The following FLI1 variants were observed in gnomAD, a reference collection of about 807,000 sequenced individuals.
FLI1 encodes the protein Fli-1 proto-oncogene, ETS transcription factor.
Under a neutral mutation model 53.1 loss-of-function variants are expected in FLI1, and 13 were observed. That is an observed-to-expected ratio of 0.24 (90% CI 0.16 to 0.39). FLI1 has a LOEUF of 0.39. Ranked by LOEUF, FLI1 falls within the 10% of genes least tolerant of loss-of-function variation. The pLI is 1.00. For missense variants in FLI1, 424 were observed against 600.5 expected, an observed-to-expected ratio of 0.71 and a Z score of 3.07; for synonymous variants, 244 against 236.7, an observed-to-expected ratio of 1.03 and a Z score of -0.28.
At chr11:128,736,820 C>T (rs1053161620) in intron 1 of FLI1, among the ~76,000 whole-genome samples, 1 of 152,096 alleles carries the variant, frequency 6.6e-6, no homozygotes, top group African/African-American at 2.4e-5. Context: ...TTTCAAAATG[C>T]ACTTTTGTGG....
intron 1 of FLI1, among the ~76,000 whole-genome samples, chr11:128,726,398 C>T (rs1450893553): frequency 6.6e-6 from 1 of 152,202 alleles, no homozygotes. Flanking sequence ...GGAAGATCCA[C>T]TTGGAGAGAA....
chr11:128,771,657 C>T (rs919938989), intron 3 of FLI1, among the ~76,000 whole-genome samples: 4 of 152,178 alleles, frequency 2.6e-5, no homozygotes, highest in African/African-American at 7.2e-5. Flanking sequence ...CAAACAGGCT[C>T]ATTAGAAGCC....
intron 5 of FLI1, among the ~76,000 whole-genome samples, chr11:128,785,844 T>G (rs1206264631): frequency 6.6e-6 from 1 of 151,494 alleles, no homozygotes; most frequent in Non-Finnish European, 1.5e-5. Flanking sequence ...CGGCAAGGAG[T>G]GGAAATAGGG....
chr11:128,794,270 A>G (rs1273646997), intron 5 of FLI1, among the ~76,000 whole-genome samples: 1 of 152,188 alleles, frequency 6.6e-6, no homozygotes, highest in Non-Finnish European at 1.5e-5. Flanking sequence ...TTGGGAAAAA[A>G]AAGGACAGGC....
intron 5 of FLI1, among the ~76,000 whole-genome samples, chr11:128,798,368 G>A (rs1454620758): frequency 1.3e-5 from 2 of 151,888 alleles, no homozygotes; most frequent in African/African-American, 4.8e-5. Flanking sequence ...TGGGAGAAAT[G>A]AAATAGAAGA....
chr11:128,689,533 T>C (rs148197678), upstream of FLI1, among the ~76,000 whole-genome samples: 21 of 152,288 alleles, frequency 1.4e-4, no homozygotes, highest in East Asian at 4.1e-3. Flanking sequence ...AGCCCCAGAA[T>C]GTTCACAGTG....
chr11:128,810,309 A>C lies in FLI1; in HGVS notation c.830-150A>C. 1.3e-6 allele frequency: 1 copy of C among 744,128 alleles called. No individual in the cohort carries two copies. 46.1% of individuals were successfully genotyped at this position (744,128 alleles called of 1,614,324 possible). On this transcript the variant is annotated intron_variant, in intron 8 of 8. Transcript: ENST00000527786. This position sits in a 1 kb window ranked among gnomAD's most constrained non-coding sequence, Gnocchi z 6.6. Reference sequence around the variant, plus strand: ...AGCAGAAAGGCAAATCAACAATGACATAAGAAGGGCTTGTCAAGTCGATCC... The same window carrying C: ...AGCAGAAAGGCAAATCAACAATGACCTAAGAAGGGCTTGTCAAGTCGATCC...
At chr11:128,757,044 T>TTTTTCTTTCTTTC (rs1555116903) in intron 1 of FLI1, among the ~76,000 whole-genome samples, 1 of 107,028 alleles carries the variant, frequency 9.3e-6, no homozygotes, top group African/African-American at 3.6e-5. Flanking sequence ...CTAGCTAATT[T>TTTTTCTTTCTTTC]TTTCTTTCTT....
chr11:128,738,344 T>C (rs1939991059), intron 1 of FLI1, among the ~76,000 whole-genome samples: 1 of 152,218 alleles, frequency 6.6e-6, no homozygotes, highest in South Asian at 2.1e-4. Flanking sequence ...ATATAAACAA[T>C]GCCTTGAAAT....
chr11:128,808,240 G>A (rs1459337113), intron 7 of FLI1, among the ~76,000 whole-genome samples: 2 of 152,114 alleles, frequency 1.3e-5, no homozygotes, highest in Non-Finnish European at 2.9e-5. Flanking sequence ...GACTTTTGAA[G>A]GTAATTTATG....
intron 1 of FLI1, among the ~76,000 whole-genome samples, chr11:128,754,249 G>A (rs997608185): frequency 6.7e-6 from 1 of 149,642 alleles, no homozygotes; most frequent in Non-Finnish European, 1.5e-5. Context: ...GTGTGTGTGT[G>A]TGTGTGTGTG....
At chr11:128,720,503 G>A (rs1193823587) in intron 1 of FLI1, among the ~76,000 whole-genome samples, 1 of 152,168 alleles carries the variant, frequency 6.6e-6, no homozygotes, top group Non-Finnish European at 1.5e-5. Flanking sequence ...ACACTGGGGG[G>A]TGGGGAGGCC....
intron 5 of FLI1, among the ~76,000 whole-genome samples, chr11:128,800,583 A>G (rs74316382): frequency 0.014 from 2,121 of 152,276 alleles, 42 homozygotes; most frequent in African/African-American, 0.048. Context: ...TGTCTATGAG[A>G]GGGTCATGTC....
chr11:128,764,917 A>G, intron 2 of FLI1: 2 of 1,331,082 alleles, frequency 1.5e-6, no homozygotes, highest in African/African-American at 2.9e-5. Context: ...CTCCCTAAGG[A>G]CACCCGCCTG....
At chr11:128,699,149 G>A (rs1199660593) in intron 1 of FLI1, among the ~76,000 whole-genome samples, 2 of 152,110 alleles carry the variant, frequency 1.3e-5, no homozygotes. Context: ...GTCATAAGTA[G>A]GTCTTGAATA....
upstream of FLI1, chr11:128,686,242 G>T (rs1034029711): frequency 4.7e-6 from 2 of 428,756 alleles, no homozygotes; most frequent in South Asian, 1.7e-5. Context: ...TCCTGGTCGC[G>T]TTCTCTCCTC....
Position 128,810,919 on chromosome 11 carries a change from C to T in FLI1, c.1290C>T (p.Ile430=). Residue 430 remains isoleucine, a synonymous_variant, in exon 9 of 9, where the codon ATC becomes ATT. Transcript: ENST00000527786. The surrounding 1 kb of genome is among the most constrained non-coding windows in gnomAD (Gnocchi z 6.6). ...SQYWTSPTGG[I]YPNPNVPRHP... is the part of the protein sequence containing the mutation. ...ACTGGACCTCCCCCACGGGGGGAAT[C>T]TACCCCAACCCCAACGTCCCCCGCC... The T allele has an allele frequency of 8.1e-6, 13 of 1,613,954 alleles. No individual in the cohort carries two copies. The highest frequency in any genetic ancestry group is 9.3e-6 in the Non-Finnish European group (11 of 1,179,808).
intron 5 of FLI1, among the ~76,000 whole-genome samples, chr11:128,796,644 G>A (rs1199116130): frequency 2.0e-5 from 3 of 152,202 alleles, no homozygotes; most frequent in Non-Finnish European, 4.4e-5. Flanking sequence ...GCTCAGGGAC[G>A]GAAGTGTTTC....
chr11:128,755,375 T>A (rs1163562453), intron 1 of FLI1, among the ~76,000 whole-genome samples: 1 of 152,238 alleles, frequency 6.6e-6, no homozygotes, highest in African/African-American at 2.4e-5. Flanking sequence ...TGCTACCTGA[T>A]TCCTGAAATG....
Sources: allele counts gnomAD v4.1 joint callset (sites outside exome capture counted in the v4.1 genomes callset), GRCh38; gene constraint gnomAD v4.1.1; non-coding constraint Gnocchi (gnomAD v3.1); transcripts MANE v1.5; gene names NCBI Gene and HGNC (gene_info 2026-07-23, HGNC 2026-07-21).